PRKN: variants seen among roughly 807,000 people sequenced by gnomAD.
PRKN encodes the protein E3 ubiquitin-protein ligase parkin.
In PRKN, 56 loss-of-function variants were observed where a neutral mutation model predicts 59.5. The observed-to-expected ratio is 0.94, with a 90% confidence interval of 0.76 to 1.18. The LOEUF is 1.18. Among genes scored for constraint, PRKN ranks in the 50% most tolerant of loss-of-function variants. PRKN has a pLI of 0.00. For missense variants in PRKN, 657 were observed against 596.4 expected (o/e 1.10, Z -1.06); for synonymous variants, 250 against 222.1 (o/e 1.13, Z -1.12).
In PRKN at chr6:162,287,843, G is replaced by A. The variant is rs530340281; in HGVS notation, c.172-25078C>T. Among the ~76,000 whole-genome samples the A allele has an allele frequency of 3.9e-5, 6 of 152,190 alleles. No individual in the cohort carries two copies. The South Asian group carries it at 8.3e-4, about 21-fold the overall frequency. On this transcript the variant is annotated intron_variant, in intron 2 of 11. Coordinates refer to ENST00000366898, the MANE Select transcript of PRKN (RefSeq NM_004562.3). ...AAGAGAAAAGCCTAATGTAGAATTCGCAGCTAAGTGGGGGCAACCCATGCC... is the reference window on the plus strand; with the variant it reads ...AAGAGAAAAGCCTAATGTAGAATTCACAGCTAAGTGGGGGCAACCCATGCC...
In PRKN at chr6:161,360,851, C is replaced by G. The variant is rs761789887; in HGVS notation, c.1168-646G>C. 6.6e-6 allele frequency among the ~76,000 whole-genome samples: 1 copy of G among 152,186 alleles called. No homozygotes were observed. The highest frequency in any genetic ancestry group is 1.5e-5 in the Non-Finnish European group (1 of 68,020). On this transcript the variant is annotated intron_variant, in intron 10 of 11. Transcript: ENST00000366898. This position sits in a 1 kb window ranked among gnomAD's most constrained non-coding sequence, Gnocchi z 5.1. ...GTCTGGTTCAAATCCCAGCTCTACCCAGACGGGTGACTCTGGAAACATTCC... is the reference window on the plus strand; with the variant it reads ...GTCTGGTTCAAATCCCAGCTCTACCGAGACGGGTGACTCTGGAAACATTCC...
At chr6:162,039,517 CTT>C (rs777437673) in intron 5 of PRKN, among the ~76,000 whole-genome samples, 27 of 152,250 alleles carry the variant, frequency 1.8e-4, no homozygotes, top group Middle Eastern at 3.4e-3. Flanking sequence ...TTCTCTCTCT[CTT>C]GTTTCCCCTT....
chr6:161,897,630 T>C (rs1777681719), intron 6 of PRKN, among the ~76,000 whole-genome samples: 1 of 152,168 alleles, frequency 6.6e-6, no homozygotes, highest in Non-Finnish European at 1.5e-5. Context: ...CATTTTGGCT[T>C]AGAATTGTGT....
chr6:161,932,814 A>G (rs1425901890), intron 6 of PRKN, among the ~76,000 whole-genome samples: 2 of 152,170 alleles, frequency 1.3e-5, no homozygotes, highest in African/African-American at 2.4e-5. Context: ...AAAGAAAAAC[A>G]TATTTATGCT....
At chr6:162,259,228 T>C (rs950224684) in intron 3 of PRKN, among the ~76,000 whole-genome samples, 1 of 152,248 alleles carries the variant, frequency 6.6e-6, no homozygotes, top group Non-Finnish European at 1.5e-5. Flanking sequence ...GCTGCTGTGA[T>C]TGGCTTGGTG....
chr6:161,706,794 G>A (rs1020738728), intron 7 of PRKN, among the ~76,000 whole-genome samples: 9 of 152,152 alleles, frequency 5.9e-5, no homozygotes, highest in African/African-American at 2.2e-4. Flanking sequence ...CTGGCCTCAG[G>A]TGATCTAACC....
chr6:161,568,403 C>T (rs1344717069), intron 8 of PRKN, among the ~76,000 whole-genome samples: 1 of 152,136 alleles, frequency 6.6e-6, no homozygotes, highest in Non-Finnish European at 1.5e-5. Flanking sequence ...ACCATCCTGG[C>T]TAACACGGTG....
chr6:162,398,542 C>A (rs986134947), intron 2 of PRKN, among the ~76,000 whole-genome samples: 3 of 152,152 alleles, frequency 2.0e-5, no homozygotes, highest in African/African-American at 7.2e-5. Context: ...AGGCACCCAG[C>A]ACCACACCCA....
intron 2 of PRKN, among the ~76,000 whole-genome samples, chr6:162,380,418 C>T (rs12213387): frequency 5.4e-5 from 7 of 128,630 alleles, no homozygotes; most frequent in African/African-American, 2.1e-4. Context: ...TATATACACA[C>T]ATATATATAT....
At chr6:162,672,131 C>T (rs892925137) in intron 1 of PRKN, among the ~76,000 whole-genome samples, 3 of 152,138 alleles carry the variant, frequency 2.0e-5, no homozygotes, top group South Asian at 2.1e-4. Flanking sequence ...AACTTGGCAA[C>T]ATCACTCCTA....
intron 9 of PRKN, among the ~76,000 whole-genome samples, chr6:161,465,818 C>G (rs1195040315): frequency 2.6e-5 from 4 of 152,128 alleles, no homozygotes; most frequent in African/African-American, 4.8e-5. Flanking sequence ...GGCCCATTCT[C>G]TTTCTTTTTC....
intron 9 of PRKN, among the ~76,000 whole-genome samples, chr6:161,493,772 C>T (rs1777644638): frequency 6.6e-6 from 1 of 152,234 alleles, no homozygotes; most frequent in Non-Finnish European, 1.5e-5. Context: ...AGCTTCTTCT[C>T]TTGGGTTCCT....
chr6:161,754,477 A>T (rs1788827878), intron 7 of PRKN, among the ~76,000 whole-genome samples: 2 of 152,076 alleles, frequency 1.3e-5, no homozygotes, highest in South Asian at 4.2e-4. Context: ...GAGGGCCATG[A>T]GGTGGGTGCT....
intron 2 of PRKN, among the ~76,000 whole-genome samples, chr6:162,336,400 G>A (rs1005691081): frequency 7.2e-5 from 11 of 151,950 alleles, no homozygotes; most frequent in African/African-American, 2.2e-4. Context: ...GGAGAGCACC[G>A]TATCCACACT....
At chr6:162,463,204 T>A (rs1231375010) in intron 1 of PRKN, among the ~76,000 whole-genome samples, 5 of 152,214 alleles carry the variant, frequency 3.3e-5, no homozygotes, top group Non-Finnish European at 7.3e-5. Context: ...CCTCTGTTAT[T>A]AAATGATGAG....
At chr6:162,155,725 C>T (rs927090506) in intron 4 of PRKN, among the ~76,000 whole-genome samples, 3 of 151,598 alleles carry the variant, frequency 2.0e-5, no homozygotes, top group African/African-American at 7.3e-5. Context: ...TCTAAGGAGC[C>T]ACTTTTGAAG....
chr6:162,339,376 C>T (rs963387198), intron 2 of PRKN, among the ~76,000 whole-genome samples: 12 of 145,328 alleles, frequency 8.3e-5, no homozygotes, highest in African/African-American at 2.5e-4. Context: ...CCGCCCCGTC[C>T]GGGAGGGAGG....
intron 1 of PRKN, among the ~76,000 whole-genome samples, chr6:162,607,819 G>A (rs942027638): frequency 6.6e-6 from 1 of 152,130 alleles, no homozygotes; most frequent in Non-Finnish European, 1.5e-5. Flanking sequence ...TGTAAAGTAG[G>A]AGAAGAGTTC....
intron 4 of PRKN, among the ~76,000 whole-genome samples, chr6:162,110,675 T>C (rs553310586): frequency 6.6e-6 from 1 of 152,148 alleles, no homozygotes; most frequent in African/African-American, 2.4e-5. Flanking sequence ...ACTAATTGCA[T>C]AAGAAAAAGG....
Sources: allele counts gnomAD v4.1 joint callset (sites outside exome capture counted in the v4.1 genomes callset), GRCh38; gene constraint gnomAD v4.1.1; non-coding constraint Gnocchi (gnomAD v3.1); transcripts MANE v1.5; gene names NCBI Gene and HGNC (gene_info 2026-07-23, HGNC 2026-07-21).